Variants in TMEM233 observed in about 807,000 individuals in gnomAD.
The protein encoded by TMEM233 is transmembrane protein 233.
A neutral mutation model predicts 11.2 loss-of-function variants in TMEM233; 6 were observed. The ratio of observed to expected loss-of-function variants is 0.54; its 90% CI spans 0.29 to 1.06. TMEM233 has a LOEUF of 1.06. Ranked by LOEUF, TMEM233 falls within the 50% of genes least tolerant of loss-of-function variation. The pLI, the probability that TMEM233 is intolerant of heterozygous loss-of-function variation, is 0.08. For synonymous variants in TMEM233, 59 were observed against 55.8 expected, an observed-to-expected ratio of 1.06 and a Z score of -0.26; for missense variants, 127 against 144.7, an observed-to-expected ratio of 0.88 and a Z score of 0.63.
intron 1 of TMEM233, among the ~76,000 whole-genome samples, chr12:119,616,547 C>A (rs112368853): frequency 0.017 from 2,520 of 152,232 alleles, 64 homozygotes; most frequent in African/African-American, 0.056. Context: ...TATAAGTGAA[C>A]AGACAATGGA....
At chr12:119,646,967 C>T (rs539955150), downstream of TMEM233, among the ~76,000 whole-genome samples, 49 of 152,354 alleles carry the variant, frequency 3.2e-4, 1 homozygote, top group African/African-American at 1.2e-3. Context: ...ACACAGCAGC[C>T]AGGGTTATCT....
At chr12:119,635,265 C>G (rs11609806) in intron 2 of TMEM233, among the ~76,000 whole-genome samples, 1 of 152,134 alleles carries the variant, frequency 6.6e-6, no homozygotes, top group Admixed American at 6.6e-5. Flanking sequence ...GAGCCACCTA[C>G]GACAGATTCA....
At chr12:119,619,737 T>G (rs2136735481) in intron 1 of TMEM233, among the ~76,000 whole-genome samples, 1 of 152,282 alleles carries the variant, frequency 6.6e-6, no homozygotes. Flanking sequence ...TTTAAAATAT[T>G]TTTTGAAGAC....
chr12:119,604,848 C>T (rs559749470), intron 1 of TMEM233, among the ~76,000 whole-genome samples: 3 of 152,016 alleles, frequency 2.0e-5, no homozygotes, highest in South Asian at 2.1e-4. Context: ...TGCCCAAGCT[C>T]GTCTCAAACT....
intron 1 of TMEM233, among the ~76,000 whole-genome samples, chr12:119,612,290 G>C (rs1466577013): frequency 1.3e-5 from 2 of 151,234 alleles, no homozygotes; most frequent in African/African-American, 4.9e-5. Context: ...ACTGCGCCCA[G>C]CCCTGTGCAT....
chr12:119,600,679 G>T (rs1362386433), intron 1 of TMEM233, among the ~76,000 whole-genome samples: 5 of 152,152 alleles, frequency 3.3e-5, no homozygotes, highest in Non-Finnish European at 7.4e-5. Context: ...AATACAAGAA[G>T]CCAGTCACAA....
the TMEM233 span, among the ~76,000 whole-genome samples, chr12:119,653,915 T>C: frequency 6.6e-6 from 1 of 150,592 alleles, no homozygotes; most frequent in Non-Finnish European, 1.5e-5. Context: ...TTAAGAAAAA[T>C]TGATTTAAAT....
chr12:119,615,173 TAAAAAAAAAAAA>T (rs60318959), intron 1 of TMEM233, among the ~76,000 whole-genome samples: 36 of 56,198 alleles, frequency 6.4e-4, no homozygotes, highest in African/African-American at 2.5e-3. Context: ...CGCTTTCTGC[TAAAAAAAAAAAA>T]AAAAAAAAAA....
At chr12:119,628,555 A>C (rs1954809649) in intron 1 of TMEM233, among the ~76,000 whole-genome samples, 1 of 126,912 alleles carries the variant, frequency 7.9e-6, no homozygotes, top group Non-Finnish European at 1.6e-5. Flanking sequence ...GCTGGAGTGC[A>C]GTGGCACGAT....
chr12:119,643,790 A>G (rs1053793333), downstream of TMEM233, among the ~76,000 whole-genome samples: 1 of 151,794 alleles, frequency 6.6e-6, no homozygotes, highest in Non-Finnish European at 1.5e-5. Context: ...AAGGTGTATT[A>G]TCAACCAAGA....
intron 1 of TMEM233, among the ~76,000 whole-genome samples, chr12:119,609,865 T>A (rs1954360154): frequency 6.6e-6 from 1 of 152,172 alleles, no homozygotes; most frequent in Admixed American, 6.5e-5. Flanking sequence ...GGAAGGGAAA[T>A]GTGGGGTCAG....
chr12:119,647,154 C>T (rs193165256), downstream of TMEM233, among the ~76,000 whole-genome samples: 31 of 152,260 alleles, frequency 2.0e-4, no homozygotes, highest in Non-Finnish European at 3.7e-4. Context: ...CCTCTGCCTC[C>T]GAAAGTGCTG....
the TMEM233 span, among the ~76,000 whole-genome samples, chr12:119,653,436 G>A: frequency 3.4e-5 from 5 of 149,114 alleles, no homozygotes; most frequent in African/African-American, 1.2e-4. Flanking sequence ...ATGTGAAGGA[G>A]CAGGAAACTG....
At chr12:119,647,522 C>G (rs550960082), downstream of TMEM233, among the ~76,000 whole-genome samples, 68 of 152,318 alleles carry the variant, frequency 4.5e-4, no homozygotes, top group African/African-American at 1.6e-3. Flanking sequence ...GATATGGGCT[C>G]TAGTGCCAGC....
At chr12:119,652,749 C>G in the TMEM233 span, among the ~76,000 whole-genome samples, 1 of 152,158 alleles carries the variant, frequency 6.6e-6, no homozygotes, top group African/African-American at 2.4e-5. Flanking sequence ...AAAACAAAAC[C>G]AAACCAAAAA....
intron 1 of TMEM233, among the ~76,000 whole-genome samples, chr12:119,619,588 C>G (rs1954602684): frequency 6.6e-6 from 1 of 151,500 alleles, no homozygotes; most frequent in African/African-American, 2.4e-5. Flanking sequence ...TTGCAGTGAG[C>G]CAAGATCATG....
At chr12:119,597,623 G>C (rs1467718052) in intron 1 of TMEM233, among the ~76,000 whole-genome samples, 2 of 152,184 alleles carry the variant, frequency 1.3e-5, no homozygotes, top group East Asian at 3.8e-4. Context: ...AGTGTTCTTC[G>C]AGTGGTGGAT....
At chr12:119,637,294 T>C (rs1346266434) in intron 2 of TMEM233, among the ~76,000 whole-genome samples, 2 of 152,234 alleles carry the variant, frequency 1.3e-5, no homozygotes, top group Non-Finnish European at 2.9e-5. Flanking sequence ...TTGCTTGCCA[T>C]TCTTAACAAC....
chr12:119,605,678 C>T (rs537795297), intron 1 of TMEM233, among the ~76,000 whole-genome samples: 3 of 152,206 alleles, frequency 2.0e-5, no homozygotes, highest in South Asian at 2.1e-4. Flanking sequence ...ATCTACCCCC[C>T]TCAGCCTCCC....
Sources: gnomAD v4.1 joint callset for allele counts (sites outside exome capture counted in the v4.1 genomes callset) on GRCh38, gnomAD v4.1.1 for gene constraint, MANE v1.5 for transcripts, NCBI Gene and HGNC (gene_info 2026-07-23, HGNC 2026-07-21) for gene names.